The following ABCA13 variants were observed in gnomAD, a reference collection of about 807,000 sequenced individuals.
ABCA13 encodes the protein ATP binding cassette subfamily A member 13, also known as ATP-binding cassette sub-family A member 13.
Under a neutral mutation model 478.7 loss-of-function variants are expected in ABCA13, and 476 were observed. The ratio of observed to expected loss-of-function variants is 0.99; its 90% confidence interval spans 0.92 to 1.07. The LOEUF (loss-of-function observed/expected upper bound fraction) is 1.07, where lower values mean the gene tolerates loss of function less well. Among genes scored for constraint, ABCA13 ranks in the 50% least tolerant of loss-of-function variants. ABCA13 has a pLI of 0.00. For synonymous variants in ABCA13, 2,252 were observed against 2,158.9 expected (o/e 1.04, Z -1.20); for missense variants, 6,060 against 5,910.6 (o/e 1.03, Z -0.83).
intron 59 of ABCA13, among the ~76,000 whole-genome samples, chr7:48,618,003 C>T (rs957122032): frequency 1.3e-5 from 2 of 152,166 alleles, no homozygotes; most frequent in African/African-American, 4.8e-5. Context: ...TCCTACCTCA[C>T]TCTCTGCCCC....
chr7:48,479,749 A>G (rs1828566233), intron 45 of ABCA13, among the ~76,000 whole-genome samples: 1 of 152,178 alleles, frequency 6.6e-6, no homozygotes, highest in Non-Finnish European at 1.5e-5. Flanking sequence ...ATTATTATGT[A>G]CAACAATTAT....
chr7:48,518,330 G>A (rs1463688569), intron 52 of ABCA13, among the ~76,000 whole-genome samples: 2 of 152,158 alleles, frequency 1.3e-5, no homozygotes, highest in African/African-American at 4.8e-5. Flanking sequence ...TATTGGTGAG[G>A]AACTTGAAAG....
intron 29 of ABCA13, among the ~76,000 whole-genome samples, chr7:48,343,815 C>A (rs1256629969): frequency 1.3e-5 from 2 of 152,042 alleles, no homozygotes; most frequent in East Asian, 3.9e-4. Context: ...ACTTCATCTG[C>A]CCCACATTGT....
chr7:48,625,300 T>C (rs968586015), intron 59 of ABCA13, among the ~76,000 whole-genome samples: 11 of 152,220 alleles, frequency 7.2e-5, no homozygotes, highest in Non-Finnish European at 1.6e-4. Context: ...AGTGGATCAT[T>C]TAAAAGTGAA....
intron 55 of ABCA13, among the ~76,000 whole-genome samples, chr7:48,543,042 A>C (rs1176008727): frequency 6.6e-6 from 1 of 151,892 alleles, no homozygotes; most frequent in Non-Finnish European, 1.5e-5. Context: ...AAGGAAAAGA[A>C]GTTGCAAAAT....
chr7:48,281,186 T>A (rs1474052283), intron 18 of ABCA13, among the ~76,000 whole-genome samples, 157 bp from the exon 19 acceptor site: 1 of 152,256 alleles, frequency 6.6e-6, no homozygotes, highest in Non-Finnish European at 1.5e-5. Flanking sequence ...CAGAATGTGT[T>A]ATCTGTGTTT....
At chr7:48,306,581 C>T (rs73697128) in intron 23 of ABCA13, among the ~76,000 whole-genome samples, 5,952 of 152,272 alleles carry the variant, frequency 0.039, 359 homozygotes, top group African/African-American at 0.14. Context: ...AGAGCTTCCC[C>T]TCTGCCCAGA....
At chr7:48,267,491 T>C (rs542613559) in intron 15 of ABCA13, among the ~76,000 whole-genome samples, 1 of 152,270 alleles carries the variant, frequency 6.6e-6, no homozygotes, top group South Asian at 2.1e-4. Flanking sequence ...TCCATCCTTT[T>C]ACTTGTAACT....
chr7:48,289,100 ATGGCAAG>A (rs1470943678), intron 20 of ABCA13, among the ~76,000 whole-genome samples: 1 of 152,186 alleles, frequency 6.6e-6, no homozygotes, highest in Non-Finnish European at 1.5e-5. Context: ...CTCCCACAGC[ATGGCAAG>A]GGTGTCGAAT....
intron 48 of ABCA13, 65 bp from the exon 49 acceptor site, chr7:48,506,271 A>G (rs1278018344): frequency 6.5e-7 from 1 of 1,527,848 alleles, no homozygotes; most frequent in African/African-American, 1.4e-5. Context: ...CGTAGCCTGT[A>G]GATGAGCTGC....
chr7:48,442,264 G>C (rs66541893), intron 42 of ABCA13, among the ~76,000 whole-genome samples: 44,999 of 151,794 alleles, frequency 0.3, 6,684 homozygotes, highest in East Asian at 0.37. Flanking sequence ...TTGGCAGCTT[G>C]GGCTGCCAAA....
chr7:48,281,867 C>T (rs971019537), intron 19 of ABCA13, among the ~76,000 whole-genome samples: 1 of 152,138 alleles, frequency 6.6e-6, no homozygotes, highest in African/African-American at 2.4e-5. Context: ...CTTACATTTC[C>T]TCCCTCTGCT....
chr7:48,615,525 A>G (rs1183863703), intron 59 of ABCA13, 148 bp downstream of exon 59: 11 of 622,022 alleles, frequency 1.8e-5, no homozygotes, highest in Non-Finnish European at 2.7e-5. Flanking sequence ...GGGATAAAAT[A>G]CTGTGGCTAG....
At chr7:48,426,837 C>T (rs1299969833) in intron 41 of ABCA13, among the ~76,000 whole-genome samples, 1 of 152,172 alleles carries the variant, frequency 6.6e-6, no homozygotes, top group Non-Finnish European at 1.5e-5. Flanking sequence ...TGGCACTTTA[C>T]AGCCATCATC....
chr7:48,492,960 A>T (rs547875833), intron 48 of ABCA13, among the ~76,000 whole-genome samples: 153 of 152,290 alleles, frequency 1.0e-3, no homozygotes, highest in African/African-American at 3.5e-3. Flanking sequence ...CGGGAGGCAG[A>T]GGTTGCAGTG....
chr7:48,222,891 G>GCTT (rs1787577222), intron 5 of ABCA13, among the ~76,000 whole-genome samples: 6 of 152,156 alleles, frequency 3.9e-5, no homozygotes, highest in Admixed American at 3.9e-4. Context: ...AGAGACCGAC[G>GCTT]GTAGCCAGAG....
At chr7:48,314,737 G>C (rs891429939) in intron 26 of ABCA13, among the ~76,000 whole-genome samples, 1 of 152,108 alleles carries the variant, frequency 6.6e-6, no homozygotes, top group African/African-American at 2.4e-5. Flanking sequence ...GCACTGCTTT[G>C]GTCCATGCAA....
At chr7:48,189,045 C>A (rs1005860080) in intron 1 of ABCA13, among the ~76,000 whole-genome samples, 3 of 152,074 alleles carry the variant, frequency 2.0e-5, no homozygotes, top group African/African-American at 7.2e-5. Flanking sequence ...GTTTACCAGA[C>A]GGTTATTTTT....
At chr7:48,283,171 A>C (rs1042673490) in intron 19 of ABCA13, among the ~76,000 whole-genome samples, 1 of 152,076 alleles carries the variant, frequency 6.6e-6, no homozygotes, top group Admixed American at 6.5e-5. Context: ...CCCAACATCC[A>C]CTATCAGAAG....
Sources: gnomAD v4.1 joint callset for allele counts (sites outside exome capture counted in the v4.1 genomes callset) on GRCh38, gnomAD v4.1.1 for gene constraint, MANE v1.5 for transcripts, NCBI Gene and HGNC (gene_info 2026-07-23, HGNC 2026-07-21) for gene names.